CELF2: variants seen among roughly 807,000 people sequenced by gnomAD.
CELF2 encodes CUGBP Elav-like family member 2, also known as CUG triplet repeat RNA-binding protein 2.
In CELF2, 8 loss-of-function variants were observed where a neutral mutation model predicts 62.6. The ratio of observed to expected loss-of-function variants is 0.13; its 90% CI spans 0.07 to 0.23. CELF2 has a LOEUF of 0.23. CELF2 is among the 10% of genes least tolerant of loss of function. CELF2 has a pLI of 1.00. For missense variants in CELF2, 333 were observed against 671.0 expected (o/e 0.50, Z 5.56); for synonymous variants, 258 against 250.0 (o/e 1.03, Z -0.30).
At chr10:11,258,415 C>T (rs1172621141) in intron 5 of CELF2, among the ~76,000 whole-genome samples, 4 of 152,122 alleles carry the variant, frequency 2.6e-5, no homozygotes, top group Non-Finnish European at 5.9e-5. Context: ...GAGTCCTGAG[C>T]CAGGGGAACT....
intron 1 of CELF2, among the ~76,000 whole-genome samples, chr10:10,844,957 G>A (rs981916330): frequency 3.3e-5 from 5 of 152,128 alleles, no homozygotes; most frequent in Non-Finnish European, 7.4e-5. Flanking sequence ...ATGGATGAAT[G>A]ACCAGCATTT....
rs113284687 is a variant in CELF2, at chr10:10,924,261, A to G, written c.89+4262A>G. Among the ~76,000 whole-genome samples, 627 of 140,812 alleles carry G rather than the reference A, an allele frequency of 4.5e-3. 1 individual carries two copies. Among genetic ancestry groups the G allele is most frequent in the Non-Finnish European group, 4.8e-3 (318 of 65,794 alleles). The allele number at this position is 140,812 out of a possible 152,430, so 92.4% of individuals were successfully genotyped here. On this transcript the variant is annotated intron_variant, in intron 2 of 13. Transcript: ENST00000636488. ...CGCGCCACTGCACTCCAGCCTGGGCAACACAGCGAGACTCCGTCCCAAAAA... is the reference window on the plus strand; with the variant it reads ...CGCGCCACTGCACTCCAGCCTGGGCGACACAGCGAGACTCCGTCCCAAAAA...
At chr10:11,021,681 T>C (rs2058344671) in intron 1 of CELF2, among the ~76,000 whole-genome samples, 1 of 152,190 alleles carries the variant, frequency 6.6e-6, no homozygotes, top group African/African-American at 2.4e-5. Context: ...CTTAAAGAGG[T>C]GACCTGCTTG....
chr10:10,731,243 AACACAC>A, the CELF2 span, among the ~76,000 whole-genome samples: 14 of 146,576 alleles, frequency 9.6e-5, no homozygotes, highest in East Asian at 1.2e-3. Context: ...TCCTGCAGAA[AACACAC>A]ACACACACAC....
At chr10:10,682,181 A>G in the CELF2 span, among the ~76,000 whole-genome samples, 1 of 152,220 alleles carries the variant, frequency 6.6e-6, no homozygotes, top group East Asian at 1.9e-4. Flanking sequence ...TAGATGTAGT[A>G]GAAATCAAAA....
chr10:10,775,487 G>T, the CELF2 span, among the ~76,000 whole-genome samples: 1 of 152,076 alleles, frequency 6.6e-6, no homozygotes, highest in African/African-American at 2.4e-5. Flanking sequence ...AAAATTAGCT[G>T]GTCATATGCA....
chr10:10,685,471 CTT>C, the CELF2 span, among the ~76,000 whole-genome samples: 1 of 152,114 alleles, frequency 6.6e-6, no homozygotes, highest in East Asian at 1.9e-4. Flanking sequence ...AGAGCCGTAA[CTT>C]ATAATGACAA....
the CELF2 span, among the ~76,000 whole-genome samples, chr10:10,611,842 A>G: frequency 6.6e-6 from 1 of 152,184 alleles, no homozygotes; most frequent in African/African-American, 2.4e-5. Flanking sequence ...CAGGTAAGCT[A>G]TTTGTCAAAA....
chr10:11,115,640 T>C (rs2143575479), intron 1 of CELF2, among the ~76,000 whole-genome samples: 1 of 152,328 alleles, frequency 6.6e-6, no homozygotes, highest in Non-Finnish European at 1.5e-5. Context: ...TACAGAACAT[T>C]GGCTGATCCC....
intron 1 of CELF2, among the ~76,000 whole-genome samples, chr10:11,106,043 G>A (rs1488967331): frequency 1.3e-5 from 2 of 152,154 alleles, no homozygotes; most frequent in African/African-American, 4.8e-5. Context: ...GCTTCATATT[G>A]CAGAGAAATG....
At chr10:10,611,036 A>G in the CELF2 span, among the ~76,000 whole-genome samples, 2 of 152,170 alleles carry the variant, frequency 1.3e-5, no homozygotes, top group Non-Finnish European at 2.9e-5. Context: ...GGTGCTCTGT[A>G]TGTTTTACTA....
intron 1 of CELF2, among the ~76,000 whole-genome samples, chr10:10,879,958 C>T (rs2061347872): frequency 6.6e-6 from 1 of 152,176 alleles, no homozygotes. Context: ...AGTAATCTGA[C>T]ACAGGGTGAA....
chr10:10,739,490 G>A, the CELF2 span, among the ~76,000 whole-genome samples: 13 of 152,094 alleles, frequency 8.5e-5, no homozygotes, highest in East Asian at 2.5e-3. Flanking sequence ...TGCAAAAAAT[G>A]GTAGAGTTCC....
the CELF2 span, among the ~76,000 whole-genome samples, chr10:10,634,640 C>A: frequency 6.7e-6 from 1 of 150,200 alleles, no homozygotes; most frequent in Non-Finnish European, 1.5e-5. Context: ...AGGTTTAACA[C>A]AATAGAAGTT....
chr10:10,592,350 T>G, the CELF2 span, among the ~76,000 whole-genome samples: 2 of 152,172 alleles, frequency 1.3e-5, no homozygotes, highest in Non-Finnish European at 1.5e-5. Context: ...CTGGGTAGAT[T>G]TTTTCTATCC....
chr10:10,633,156 C>G, the CELF2 span, among the ~76,000 whole-genome samples: 1 of 152,088 alleles, frequency 6.6e-6, no homozygotes, highest in Non-Finnish European at 1.5e-5. Context: ...ATGCTTAGAC[C>G]TAACTCATTT....
chr10:11,100,619 A>G (rs1291827), intron 1 of CELF2, among the ~76,000 whole-genome samples: 74,105 of 151,910 alleles, frequency 0.49, 21,561 homozygotes, highest in East Asian at 0.83. Context: ...AACCCATCTG[A>G]CACGCTTCAT....
At chr10:10,588,017 AT>A in the CELF2 span, among the ~76,000 whole-genome samples, 108 of 149,110 alleles carry the variant, frequency 7.2e-4, no homozygotes, top group African/African-American at 1.4e-3. Context: ...TAAAGATGTA[AT>A]TTTTTTTTTT....
At chr10:11,293,428 T>C (rs768237360) in intron 9 of CELF2, among the ~76,000 whole-genome samples, 1 of 152,356 alleles carries the variant, frequency 6.6e-6, no homozygotes, top group South Asian at 2.1e-4. Context: ...CCATGAAGCC[T>C]TCTAGTTAGG....
Sources: gnomAD v4.1 joint callset for allele counts (sites outside exome capture counted in the v4.1 genomes callset) on GRCh38, gnomAD v4.1.1 for gene constraint, MANE v1.5 for transcripts, NCBI Gene and HGNC (gene_info 2026-07-23, HGNC 2026-07-21) for gene names.